FSIP1: variants seen among roughly 807,000 people sequenced by gnomAD.
FSIP1 encodes fibrous sheath-interacting protein 1.
Under a neutral mutation model 60.9 loss-of-function variants are expected in FSIP1, and 65 were observed. That is an observed-to-expected ratio of 1.07 (90% CI 0.87 to 1.31). FSIP1 has a LOEUF of 1.31. Among genes scored for constraint, FSIP1 ranks in the 40% most tolerant of loss-of-function variants. The pLI is 0.00. For missense variants in FSIP1, 675 were observed against 665.5 expected (o/e 1.01, Z -0.16); for synonymous variants, 209 against 221.2 (o/e 0.94, Z 0.49).
At chr15:39,653,040 G>T (rs1892936393) in intron 10 of FSIP1, among the ~76,000 whole-genome samples, 1 of 152,012 alleles carries the variant, frequency 6.6e-6, no homozygotes, top group Non-Finnish European at 1.5e-5. Flanking sequence ...CTCAGGCGTG[G>T]TGGTGTGTGC....
intron 10 of FSIP1, among the ~76,000 whole-genome samples, chr15:39,654,214 T>C (rs1369747225): frequency 6.6e-6 from 1 of 152,218 alleles, no homozygotes; most frequent in Middle Eastern, 3.2e-3. Context: ...GTATAGGAAA[T>C]CCATAAACCA....
chr15:39,753,844 T>C (rs1897232754), intron 5 of FSIP1, among the ~76,000 whole-genome samples: 1 of 152,136 alleles, frequency 6.6e-6, no homozygotes, highest in Non-Finnish European at 1.5e-5. Context: ...AAATTATAAA[T>C]GTCTAAAAAG....
At chr15:39,726,486 C>A in intron 9 of FSIP1, 103 bp downstream of exon 9, 1 of 1,157,444 alleles carries the variant, frequency 8.6e-7, no homozygotes, top group Non-Finnish European at 1.3e-6. Context: ...TGTTATGAAA[C>A]TATGATCACT....
chr15:39,765,134 C>G, intron 4 of FSIP1, among the ~76,000 whole-genome samples: 1 of 152,050 alleles, frequency 6.6e-6, no homozygotes. Flanking sequence ...TTCATATACA[C>G]ACATATACAT....
At position 39,749,723 on chromosome 15, in the gene FSIP1, G is replaced by A. The variant is rs639230; in HGVS notation, c.560-7823C>T. 9.6e-3 allele frequency among the ~76,000 whole-genome samples: 1,452 copies of A among 151,900 alleles called. 12 individuals are homozygous for A. The highest frequency in any genetic ancestry group is 0.028 in the African/African-American group (1,169 of 41,446). On this transcript the variant is annotated intron_variant, in intron 5 of 11. Coordinates refer to ENST00000350221, the MANE Select transcript of FSIP1 (RefSeq NM_152597.5). Reference sequence around the variant, plus strand: ...AACATCATAACCAAGGGGGAAAAACGGAAAGCTTTTCCTCTGAGATCTAGT... The same window carrying A: ...AACATCATAACCAAGGGGGAAAAACAGAAAGCTTTTCCTCTGAGATCTAGT...
chr15:39,650,170 T>C (rs1892806335), intron 10 of FSIP1, among the ~76,000 whole-genome samples: 1 of 152,258 alleles, frequency 6.6e-6, no homozygotes, highest in Admixed American at 6.5e-5. Context: ...TTCTCTACTA[T>C]GGAATTCTCA....
intron 10 of FSIP1, among the ~76,000 whole-genome samples, chr15:39,654,820 T>C (rs1893009824): frequency 6.6e-6 from 1 of 152,158 alleles, no homozygotes; most frequent in South Asian, 2.1e-4. Flanking sequence ...TGGTAAATGA[T>C]GAATGGCAAG....
intron 7 of FSIP1, 113 bp from the exon 8 acceptor site, chr15:39,738,314 GA>G: frequency 1.6e-6 from 1 of 624,518 alleles, no homozygotes; most frequent in Non-Finnish European, 2.7e-6. Context: ...AAAGTTGCAA[GA>G]TTAGGCATTT....
rs563144038 is a variant in FSIP1, at chr15:39,674,297, G to T, written c.1188+39147C>A. Among the ~76,000 whole-genome samples the T allele has an allele frequency of 3.9e-5, 6 of 152,022 alleles. No individual in the cohort carries two copies. In the South Asian group the frequency reaches 6.2e-4, roughly 16 times the overall value. The stretch of plus-strand genomic sequence containing the variant: ...TCTTGATCTCCTGACCTTGTGATCC[G>T]CCCGCCTCGGCCTCCCAAAGTGCTA... On this transcript the variant is annotated intron_variant, in intron 10 of 11. Coordinates refer to ENST00000350221, the MANE Select transcript of FSIP1 (RefSeq NM_152597.5).
chr15:39,780,304 A>T (rs1231965996), intron 1 of FSIP1, among the ~76,000 whole-genome samples: 3 of 152,170 alleles, frequency 2.0e-5, no homozygotes, highest in African/African-American at 7.2e-5. Flanking sequence ...CGGGCAGATC[A>T]CGAGGTCAGG....
chr15:39,765,792 T>C (rs745588170), intron 3 of FSIP1, 46 bp from the exon 4 acceptor site: 9 of 1,098,828 alleles, frequency 8.2e-6, no homozygotes, highest in Non-Finnish European at 7.8e-6. Flanking sequence ...ATAGTAAAAC[T>C]ATAAAGTTTT....
chr15:39,723,096 A>T (rs1239575334), intron 9 of FSIP1, among the ~76,000 whole-genome samples: 1 of 152,212 alleles, frequency 6.6e-6, no homozygotes, highest in Non-Finnish European at 1.5e-5. Context: ...TATGTATATT[A>T]ACTCAGCTAC....
chr15:39,768,974 C>G (rs1340632664), intron 3 of FSIP1, among the ~76,000 whole-genome samples: 1 of 152,140 alleles, frequency 6.6e-6, no homozygotes, highest in Non-Finnish European at 1.5e-5. Context: ...ATATTGCCAC[C>G]AATTTTTATA....
chr15:39,689,321 G>C (rs1416131429), intron 10 of FSIP1, among the ~76,000 whole-genome samples: 1 of 152,112 alleles, frequency 6.6e-6, no homozygotes, highest in African/African-American at 2.4e-5. Context: ...GTTTATGAAA[G>C]CTTCATTATA....
chr15:39,609,393 G>A (rs1890942574), intron 11 of FSIP1, among the ~76,000 whole-genome samples: 1 of 152,114 alleles, frequency 6.6e-6, no homozygotes, highest in Non-Finnish European at 1.5e-5. Context: ...GGGTAGCAAC[G>A]GGCCCCACCC....
In FSIP1 at chr15:39,613,487, C is replaced by G. The variant is rs568879957; in HGVS notation, c.1699+4248G>C. 2.6e-5 allele frequency among the ~76,000 whole-genome samples: 4 copies of G among 152,238 alleles called. No individual in the cohort carries two copies. The South Asian group carries it at 8.3e-4, about 32-fold the overall frequency. ...AAAAGCCTCCTATCAAAAAAAGGCC[C>G]AGGGCCAGATGGCTTTACTACTGAA... is the stretch of plus-strand genomic sequence containing the variant. On this transcript the variant is annotated intron_variant, in intron 11 of 11. Coordinates refer to ENST00000350221, the MANE Select transcript of FSIP1 (RefSeq NM_152597.5).
chr15:39,709,465 T>C (rs184065341), intron 10 of FSIP1, among the ~76,000 whole-genome samples: 5 of 152,336 alleles, frequency 3.3e-5, no homozygotes, highest in East Asian at 3.9e-4. Flanking sequence ...TTAATCCAAT[T>C]AATAACAAAT....
intron 5 of FSIP1, among the ~76,000 whole-genome samples, chr15:39,744,581 C>T (rs1182048530): frequency 2.0e-5 from 3 of 152,084 alleles, no homozygotes; most frequent in African/African-American, 7.2e-5. Flanking sequence ...TGGAGAAACC[C>T]ACAGCAGAGT....
chr15:39,669,483 T>G (rs535911637), intron 10 of FSIP1, among the ~76,000 whole-genome samples: 159 of 152,310 alleles, frequency 1.0e-3, no homozygotes, highest in African/African-American at 3.6e-3. Context: ...AAAACTTAAT[T>G]ACATATTTGA....
Sources: gnomAD v4.1 joint callset for allele counts (sites outside exome capture counted in the v4.1 genomes callset) on GRCh38, gnomAD v4.1.1 for gene constraint, MANE v1.5 for transcripts, NCBI Gene and HGNC (gene_info 2026-07-23, HGNC 2026-07-21) for gene names.